Variants in ADGRL3 observed in about 807,000 individuals in gnomAD.
ADGRL3 encodes the protein calcium-independent alpha-latrotoxin receptor 3.
Under a neutral mutation model 153.5 loss-of-function variants are expected in ADGRL3, and 62 were observed. The observed-to-expected ratio is 0.40, with a 90% CI of 0.33 to 0.50. The LOEUF is 0.50. Among genes scored for constraint, ADGRL3 ranks in the 20% least tolerant of loss-of-function variants. ADGRL3 has a pLI of 0.47. For missense variants in ADGRL3, 1,641 were observed against 1,859.4 expected (o/e 0.88, Z 2.16); for synonymous variants, 710 against 672.5 (o/e 1.06, Z -0.86).
At chr4:62,009,505 G>A (rs750610256) in intron 21 of ADGRL3, among the ~76,000 whole-genome samples, 1 of 151,956 alleles carries the variant, frequency 6.6e-6, no homozygotes, top group Admixed American at 6.6e-5. Context: ...TTATTTGTCA[G>A]AAATAAATGG....
intron 21 of ADGRL3, among the ~76,000 whole-genome samples, chr4:62,013,063 C>T (rs1237351113): frequency 1.3e-5 from 2 of 152,092 alleles, no homozygotes; most frequent in Non-Finnish European, 2.9e-5. Context: ...ACAGTGCAAA[C>T]ATTTGCGACT....
At chr4:61,711,491 T>TACAC (rs1554009882) in intron 6 of ADGRL3, among the ~76,000 whole-genome samples, 7 of 89,210 alleles carry the variant, frequency 7.8e-5, no homozygotes, top group African/African-American at 2.0e-4. Flanking sequence ...TATATATATA[T>TACAC]ACACACACAC....
At chr4:61,511,833 G>A (rs2098464978) in intron 3 of ADGRL3, among the ~76,000 whole-genome samples, 1 of 152,178 alleles carries the variant, frequency 6.6e-6, no homozygotes, top group African/African-American at 2.4e-5. Flanking sequence ...GGACTTTCAT[G>A]CTGCAATTTC....
rs1432886121 is a variant in ADGRL3 at position 61,292,420 on chromosome 4, A to C, written c.-240+90655A>C. On this transcript the variant is annotated intron_variant, in intron 1 of 26. Coordinates refer to ENST00000683033, the MANE Select transcript of ADGRL3 (RefSeq NM_001387552.1). Reference sequence around the variant, plus strand: ...TAATATTAACTACAACTTATATGAAAGAGACTGATAGTGTCTGGGAACCAG... The same window carrying C: ...TAATATTAACTACAACTTATATGAACGAGACTGATAGTGTCTGGGAACCAG... 2.6e-5 allele frequency among the ~76,000 whole-genome samples: 4 copies of C among 152,310 alleles called. No homozygotes were observed. In the Middle Eastern group the frequency reaches 0.01, roughly 389 times the overall value.
At chr4:61,848,494 T>C (rs2098163917) in intron 9 of ADGRL3, among the ~76,000 whole-genome samples, 1 of 152,008 alleles carries the variant, frequency 6.6e-6, no homozygotes, top group South Asian at 2.1e-4. Flanking sequence ...CCAGTCACAA[T>C]AGATTAAGGG....
Position 62,070,790 on chromosome 4 carries a change from A to G in ADGRL3, c.4514A>G (p.His1505Arg), listed in dbSNP as rs1195314160. ...TCCAGAAACCACGTCCATCAGCTGC[A>G]TACTTACTACCAGCTAGGTCGCGGC... The part of the protein sequence containing the change: ...LGSRNHVHQL[H>R]TYYQLGRGSS... Residue 1505 changes from histidine (H) to arginine (R), a missense_variant, in exon 27 of 27, where the codon CAT becomes CGT. This residue lies in a region of ADGRL3 where 517 missense variants were observed against 555.0 expected (regional missense o/e 0.93). Coordinates refer to ENST00000683033, the MANE Select transcript of ADGRL3 (RefSeq NM_001387552.1). The G allele has an allele frequency of 6.4e-6, 10 of 1,551,602 alleles. No individual in the cohort carries two copies. Among genetic ancestry groups the G allele is most frequent in the Non-Finnish European group, 7.8e-6 (9 of 1,146,998 alleles).
chr4:61,494,725 A>G (rs1329408836), intron 2 of ADGRL3, among the ~76,000 whole-genome samples: 1 of 152,162 alleles, frequency 6.6e-6, no homozygotes, highest in East Asian at 1.9e-4. Flanking sequence ...AAGGTAAAAT[A>G]TTATGAGATT....
intron 1 of ADGRL3, among the ~76,000 whole-genome samples, chr4:61,370,558 C>G (rs1239800879): frequency 6.6e-6 from 1 of 152,126 alleles, no homozygotes; most frequent in Non-Finnish European, 1.5e-5. Context: ...GGTTCTTAAT[C>G]CTGAGTTCTA....
intron 21 of ADGRL3, among the ~76,000 whole-genome samples, chr4:62,001,306 C>G (rs1191931552): frequency 6.6e-6 from 1 of 151,974 alleles, no homozygotes; most frequent in Non-Finnish European, 1.5e-5. Flanking sequence ...CAGGAGGATC[C>G]GTTTCCACTG....
intron 5 of ADGRL3, among the ~76,000 whole-genome samples, chr4:61,621,891 G>A (rs1273519496): frequency 6.6e-6 from 1 of 152,022 alleles, no homozygotes. Flanking sequence ...CCCACCTCCA[G>A]AATTAATTCA....
chr4:61,922,658 TA>T (rs1160166779), intron 13 of ADGRL3, among the ~76,000 whole-genome samples: 2 of 152,156 alleles, frequency 1.3e-5, no homozygotes, highest in African/African-American at 4.8e-5. Context: ...CATTTTTTAT[TA>T]AAAAATAGTA....
chr4:61,935,625 A>G (rs1275775322), intron 14 of ADGRL3, among the ~76,000 whole-genome samples: 1 of 152,150 alleles, frequency 6.6e-6, no homozygotes, highest in Non-Finnish European at 1.5e-5. Flanking sequence ...TTTAATTTAT[A>G]AAATAAAGAT....
chr4:61,964,803 T>C (rs766924529), intron 17 of ADGRL3, among the ~76,000 whole-genome samples: 16 of 152,000 alleles, frequency 1.1e-4, no homozygotes, highest in Non-Finnish European at 1.9e-4. Flanking sequence ...TTATTCATGC[T>C]TAAGAAAGCA....
intron 1 of ADGRL3, among the ~76,000 whole-genome samples, chr4:61,301,008 C>T (rs945144535): frequency 2.0e-5 from 3 of 152,118 alleles, no homozygotes; most frequent in African/African-American, 7.2e-5. Context: ...TGTGATCCAC[C>T]CGCCTCGGGC....
chr4:61,765,300 C>T (rs2096963317), intron 8 of ADGRL3, among the ~76,000 whole-genome samples: 1 of 151,978 alleles, frequency 6.6e-6, no homozygotes, highest in Non-Finnish European at 1.5e-5. Flanking sequence ...GGTCTGGTGT[C>T]TGGAATGAGA....
chr4:62,046,433 C>G (rs1731166817), intron 25 of ADGRL3, among the ~76,000 whole-genome samples: 2 of 151,820 alleles, frequency 1.3e-5, no homozygotes, highest in Non-Finnish European at 2.9e-5. Flanking sequence ...AATTGCTTCT[C>G]AAGAATTTAA....
intron 22 of ADGRL3, among the ~76,000 whole-genome samples, chr4:62,030,850 C>T (rs1414712430): frequency 6.6e-6 from 1 of 151,510 alleles, no homozygotes; most frequent in Non-Finnish European, 1.5e-5. Flanking sequence ...AGTGGAACTA[C>T]TTTTTCCATC....
At chr4:61,447,930 A>G (rs954848676) in intron 2 of ADGRL3, among the ~76,000 whole-genome samples, 2 of 152,186 alleles carry the variant, frequency 1.3e-5, no homozygotes, top group African/African-American at 4.8e-5. Context: ...AACAACAACA[A>G]AAACAACAAC....
chr4:61,917,939 G>A lies in ADGRL3; in HGVS notation c.2112+5182G>A, dbSNP rs374847353. ...CCAGATTCTGATAGATCATTGTAAG[G>A]ACTTCAGCTTTTATTCAGAAAAGCC... On this transcript the variant is annotated intron_variant, in intron 13 of 26. Transcript: ENST00000683033. Among the ~76,000 whole-genome samples, 14 of 152,246 alleles carry A rather than the reference G, an allele frequency of 9.2e-5. No individual in the cohort carries two copies. In the South Asian group the frequency reaches 2.7e-3, roughly 29 times the overall value.
Sources: allele counts gnomAD v4.1 joint callset (sites outside exome capture counted in the v4.1 genomes callset), GRCh38; gene constraint gnomAD v4.1.1; regional missense constraint gnomAD v4.1.1; transcripts MANE v1.5; gene names NCBI Gene and HGNC (gene_info 2026-07-23, HGNC 2026-07-21).